The following RARG variants were observed in gnomAD, a reference collection of about 807,000 sequenced individuals.
RARG encodes RAR-gamma.
A neutral mutation model predicts 43.7 loss-of-function variants in RARG; 17 were observed. The ratio of observed to expected loss-of-function variants is 0.39; its 90% CI spans 0.27 to 0.58. RARG has a LOEUF of 0.58. Ranked by LOEUF, RARG falls within the 20% of genes least tolerant of loss-of-function variation. RARG has a pLI of 0.57. For synonymous variants in RARG, 238 were observed against 236.4 expected (o/e 1.01, Z -0.06); for missense variants, 346 against 598.7 (o/e 0.58, Z 4.40).
At chr12:53,221,288 C>G (rs1184171874) in intron 3 of RARG, among the ~76,000 whole-genome samples, 2 of 152,070 alleles carry the variant, frequency 1.3e-5, no homozygotes, top group African/African-American at 4.8e-5. Flanking sequence ...CCCCTAAGCG[C>G]CTCGACCGTC....
In RARG at chr12:53,211,385, T is replaced by C. The variant is rs1942583034; in HGVS notation, c.*291A>G. 3.5e-6 allele frequency: 1 copy of C among 289,476 alleles called. No individual in the cohort carries two copies. The highest frequency in any genetic ancestry group is 5.7e-5 in the East Asian group (1 of 17,546). The allele number at this position is 289,476 out of a possible 1,614,324, so 17.9% of individuals were successfully genotyped here. ...GGTCTTCCTCTTGCCCTGGGAAGTC[T>C]AGGACCCATGGGGCAGTGCTGAGAT... On this transcript the variant is annotated 3_prime_UTR_variant, in exon 10 of 10. Transcript: ENST00000425354. This position sits in a 1 kb window ranked among gnomAD's most constrained non-coding sequence, Gnocchi z 4.6.
chr12:53,223,683 G>A (rs975714710), intron 3 of RARG, among the ~76,000 whole-genome samples: 7 of 152,204 alleles, frequency 4.6e-5, no homozygotes, highest in Non-Finnish European at 7.3e-5. Context: ...GCCCTTACCC[G>A]CCTGCTTGTT....
chr12:53,225,950 T>A (rs1943097502), intron 3 of RARG, among the ~76,000 whole-genome samples: 4 of 152,220 alleles, frequency 2.6e-5, no homozygotes, highest in Admixed American at 2.6e-4. Flanking sequence ...AGGATGCTTC[T>A]GGAACACCCC....
chr12:53,222,436 G>A (rs927121964), intron 3 of RARG, among the ~76,000 whole-genome samples: 1 of 152,044 alleles, frequency 6.6e-6, no homozygotes, highest in Non-Finnish European at 1.5e-5. Flanking sequence ...TCAACTTCAA[G>A]CTGTCAGTAC....
chr12:53,215,877 G>T lies in RARG; in HGVS notation c.185-83C>A, dbSNP rs1942747131. ...CTTCCTCATCACACACACCCCATGTGCATTTGTTCCTTGGCCCACTGGTGA... is the reference window on the plus strand; with the variant it reads ...CTTCCTCATCACACACACCCCATGTTCATTTGTTCCTTGGCCCACTGGTGA... On this transcript the variant is annotated intron_variant, in intron 3 of 9. Transcript: ENST00000425354. This position sits in a 1 kb window ranked among gnomAD's most constrained non-coding sequence, Gnocchi z 6.4. 1.4e-6 allele frequency: 2 copies of T among 1,411,238 alleles called. No homozygotes were observed. Among genetic ancestry groups the T allele is most frequent in the Non-Finnish European group, 1.9e-6 (2 of 1,060,114 alleles). 87.4% of individuals were successfully genotyped at this position (1,411,238 alleles called of 1,614,324 possible). A position where few individuals can be genotyped will look rare whatever the true frequency, so the allele number is the denominator to read the frequency against.
At chr12:53,229,987 G>A (rs570718379) in intron 2 of RARG, 1 of 976,522 alleles carries the variant, frequency 1.0e-6, no homozygotes, top group East Asian at 1.1e-4. Context: ...GAAGGGACTT[G>A]GGAGTTGAGT....
At position 53,215,778 on chromosome 12, in the gene RARG, G is replaced by A. The variant is rs1262325141; in HGVS notation, c.201C>T (p.Ser67=). 6.2e-7 allele frequency: 1 copy of A among 1,609,166 alleles called. No individual in the cohort carries two copies. The change falls in exon 4 of 10, where the codon AGC becomes AGT. Residue 67 remains serine, a synonymous_variant. Transcript: ENST00000425354. The surrounding 1 kb of genome is among the most constrained non-coding windows in gnomAD (Gnocchi z 6.4). ...EMASLSVETQ[S]TSSEEMVPSS... is the part of the protein sequence containing the mutation. ...TGGGCACCATCTCCTCTGAGCTGGT[G>A]CTCTGTGTCTCCACCGCTGGGAGGG...
At chr12:53,230,485 C>T (rs1943206650) in intron 2 of RARG, among the ~76,000 whole-genome samples, 1 of 152,120 alleles carries the variant, frequency 6.6e-6, no homozygotes, top group Non-Finnish European at 1.5e-5. Flanking sequence ...GGGCAGAGAA[C>T]CCAGGCATCC....
chr12:53,221,373 G>A (rs1417801315), intron 3 of RARG, among the ~76,000 whole-genome samples: 1 of 152,162 alleles, frequency 6.6e-6, no homozygotes, highest in Non-Finnish European at 1.5e-5. Flanking sequence ...TGCCTGCCGT[G>A]CCAACTGCGC....
chr12:53,216,692 G>A (rs1231987995), intron 3 of RARG, among the ~76,000 whole-genome samples: 1 of 152,072 alleles, frequency 6.6e-6, no homozygotes, highest in Non-Finnish European at 1.5e-5. Context: ...ATGGGGGAGG[G>A]AACCTGTTTC....
chr12:53,213,647 G>A lies in RARG; in HGVS notation c.867C>T (p.Ser289=), dbSNP rs1461921321. ...YTPEQDTMTF[S]DGLTLNRTQM... ...GGGTCCGGTTCAGGGTCAGCCCGTC[G>A]GAGAAGGTCATGGTGTCCTGCTCTG... Residue 289 remains serine (S), a synonymous_variant, in exon 8 of 10, where the codon TCC becomes TCT. Transcript: ENST00000425354. The surrounding 1 kb of genome is among the most constrained non-coding windows in gnomAD (Gnocchi z 4.7). 2.5e-6 allele frequency: 4 copies of A among 1,614,020 alleles called. No individual in the cohort carries two copies. Among genetic ancestry groups the A allele is most frequent in the Non-Finnish European group, 3.4e-6 (4 of 1,179,898 alleles).
chr12:53,229,709 G>A (rs1221684011), intron 2 of RARG: 1 of 155,490 alleles, frequency 6.4e-6, no homozygotes, highest in Non-Finnish European at 1.4e-5. Context: ...CACATTCCAG[G>A]TGGATTAACC....
In RARG at chr12:53,215,440, G is replaced by A. The variant is rs746268744; in HGVS notation, c.334-6C>T. ...ATGCTTCGGCGAAAGAAGCCCTGGA[G>A]TTGAGGGAAAGAGAGAGGGCCTCTG... On this transcript the variant is annotated splice_polypyrimidine_tract_variant and splice_region_variant and intron_variant, in intron 4 of 9. Transcript: ENST00000425354. This position sits in a 1 kb window ranked among gnomAD's most constrained non-coding sequence, Gnocchi z 6.4. 1.2e-6 allele frequency: 2 copies of A among 1,614,080 alleles called. No homozygotes were observed. Among genetic ancestry groups the A allele is most frequent in the African/African-American group, 1.3e-5 (1 of 75,040 alleles).
intron 3 of RARG, among the ~76,000 whole-genome samples, chr12:53,222,317 A>AGAG (rs1942996614): frequency 1.3e-5 from 2 of 150,258 alleles, no homozygotes; most frequent in African/African-American, 4.9e-5. Flanking sequence ...GAGAGAGAGA[A>AGAG]AGAAAGAACT....
rs1045146517 is a variant in RARG, at chr12:53,220,320, G to T, written c.185-4526C>A. On this transcript the variant is annotated intron_variant, in intron 3 of 9. Transcript: ENST00000425354. ...GCGCGAAGCTGGGGCTGCCGCTTTA[G>T]CCTCCGTCCAGCTCTTATCTGGGTG... The T allele has an allele frequency of 3.6e-6, 5 of 1,398,802 alleles. No homozygotes were observed. The African/African-American group carries it at 6.0e-5, about 17-fold the overall frequency. The allele number at this position is 1,398,802 out of a possible 1,614,324, so 86.6% of individuals were successfully genotyped here.
intron 3 of RARG, chr12:53,220,133 G>A: frequency 6.5e-7 from 1 of 1,549,902 alleles, no homozygotes; most frequent in Non-Finnish European, 8.7e-7. Flanking sequence ...CTGGGTGCTG[G>A]AAACACCAAG....
intron 3 of RARG, among the ~76,000 whole-genome samples, chr12:53,216,863 T>C (rs890993782): frequency 2.3e-4 from 33 of 142,892 alleles, no homozygotes; most frequent in Admixed American, 5.5e-4. Flanking sequence ...CGCGCGCGCG[T>C]GTGGTTGGTC....
intron 3 of RARG, among the ~76,000 whole-genome samples, chr12:53,216,223 C>A (rs952908947): frequency 2.6e-5 from 4 of 152,168 alleles, no homozygotes; most frequent in Non-Finnish European, 4.4e-5. Flanking sequence ...GTCAGGTAGT[C>A]TACTTCCCAC....
intron 9 of RARG, 92 bp downstream of exon 9, chr12:53,212,993 T>C: frequency 7.2e-7 from 1 of 1,381,926 alleles, no homozygotes; most frequent in South Asian, 1.5e-5. Context: ...GGTTCTCAAC[T>C]ACTCTGTTCT....
Sources: gnomAD v4.1 joint callset for allele counts (sites outside exome capture counted in the v4.1 genomes callset) on GRCh38, gnomAD v4.1.1 for gene constraint, Gnocchi (gnomAD v3.1) non-coding constraint, MANE v1.5 for transcripts, NCBI Gene and HGNC (gene_info 2026-07-23, HGNC 2026-07-21) for gene names.